Variants in PTH2R observed in about 807,000 individuals in gnomAD.
PTH2R encodes the protein PTH2 receptor.
PTH2R carries 59 observed loss-of-function variants against 60.3 expected under a neutral mutation model. The observed-to-expected ratio is 0.98, with a 90% CI of 0.79 to 1.22. PTH2R has a LOEUF of 1.22. Among genes scored for constraint, PTH2R ranks in the 50% most tolerant of loss-of-function variants. The probability of loss-of-function intolerance (pLI) is 0.00; values close to 1 mark genes in which losing one functional copy is unlikely to be tolerated. For synonymous variants in PTH2R, 256 were observed against 243.8 expected (o/e 1.05, Z -0.47); for missense variants, 749 against 682.6 (o/e 1.10, Z -1.08).
At chr2:208,389,507 T>C (rs939155087) in intron 1 of PTH2R, among the ~76,000 whole-genome samples, 1 of 152,172 alleles carries the variant, frequency 6.6e-6, no homozygotes, top group Non-Finnish European at 1.5e-5. Context: ...ATTAAATGAA[T>C]CTTTTAATTT....
intron 1 of PTH2R, among the ~76,000 whole-genome samples, chr2:208,366,382 A>G (rs1700593811): frequency 6.6e-6 from 1 of 152,086 alleles, no homozygotes; most frequent in Non-Finnish European, 1.5e-5. Flanking sequence ...AGTACCTCCT[A>G]TCTGGAGATG....
chr2:208,437,995 A>C (rs1186886448), intron 4 of PTH2R, 114 bp downstream of exon 4: 1 of 1,326,804 alleles, frequency 7.5e-7, no homozygotes, highest in Non-Finnish European at 1.0e-6. Context: ...CGACACAAGG[A>C]TCATAAAAGA....
At chr2:208,443,314 T>C in intron 5 of PTH2R, 34 bp from the exon 6 acceptor site, 1 of 1,478,358 alleles carries the variant, frequency 6.8e-7, no homozygotes, top group Non-Finnish European at 9.0e-7. Context: ...TTTAATTTTA[T>C]CCAAATTTAA....
At chr2:208,390,347 C>T (rs1478502646) in intron 1 of PTH2R, among the ~76,000 whole-genome samples, 3 of 152,162 alleles carry the variant, frequency 2.0e-5, no homozygotes, top group African/African-American at 7.2e-5. Flanking sequence ...AAAGTGCTCC[C>T]ATACCATGTC....
At chr2:208,482,754 G>A (rs1441912518) in intron 10 of PTH2R, among the ~76,000 whole-genome samples, 1 of 152,154 alleles carries the variant, frequency 6.6e-6, no homozygotes, top group Non-Finnish European at 1.5e-5. Context: ...TTGAAGAGCT[G>A]TCCAAGATGA....
chr2:208,405,367 T>G (rs1445128656), upstream of PTH2R, among the ~76,000 whole-genome samples: 1 of 152,138 alleles, frequency 6.6e-6, no homozygotes, highest in Non-Finnish European at 1.5e-5. Context: ...ACTGCTAGAT[T>G]TAGATACATA....
intron 9 of PTH2R, among the ~76,000 whole-genome samples, chr2:208,467,686 C>G (rs1702783794): frequency 6.6e-6 from 1 of 152,112 alleles, no homozygotes. Flanking sequence ...TTTGCAACTT[C>G]AAGATAGGTG....
intron 2 of PTH2R, among the ~76,000 whole-genome samples, chr2:208,436,648 A>G (rs1702080571): frequency 6.6e-6 from 1 of 152,126 alleles, no homozygotes; most frequent in South Asian, 2.1e-4. Context: ...CAGCAGAGGG[A>G]CCCCATAAAA....
chr2:208,447,651 G>A (rs189323446), intron 7 of PTH2R, among the ~76,000 whole-genome samples: 61 of 148,500 alleles, frequency 4.1e-4, no homozygotes, highest in African/African-American at 1.5e-3. Flanking sequence ...ATAATAGGAA[G>A]GAAAGGAAAT....
chr2:208,420,745 T>A (rs547982241), intron 1 of PTH2R, among the ~76,000 whole-genome samples: 1 of 152,228 alleles, frequency 6.6e-6, no homozygotes, highest in African/African-American at 2.4e-5. Context: ...AATATTACAA[T>A]CAGGAAATTG....
At chr2:208,387,944 G>T (rs1701031911) in intron 1 of PTH2R, among the ~76,000 whole-genome samples, 2 of 152,106 alleles carry the variant, frequency 1.3e-5, no homozygotes, top group African/African-American at 4.8e-5. Flanking sequence ...TGTAAACATT[G>T]GACCATTCTT....
At chr2:208,364,919 C>A (rs1027841759) in intron 1 of PTH2R, among the ~76,000 whole-genome samples, 1 of 151,924 alleles carries the variant, frequency 6.6e-6, no homozygotes, top group Non-Finnish European at 1.5e-5. Context: ...TTTTTGATGC[C>A]ATTGCAACGG....
At chr2:208,463,983 G>T (rs1702684734) in intron 9 of PTH2R, among the ~76,000 whole-genome samples, 1 of 152,134 alleles carries the variant, frequency 6.6e-6, no homozygotes, top group Admixed American at 6.5e-5. Flanking sequence ...TTTTTAAAAG[G>T]CTATAACGTT....
chr2:208,455,913 A>G (rs1034013973), intron 8 of PTH2R, among the ~76,000 whole-genome samples: 2 of 152,154 alleles, frequency 1.3e-5, no homozygotes, highest in African/African-American at 4.8e-5. Context: ...TTGATATACA[A>G]AAGAAGTCTC....
At chr2:208,365,411 CA>C (rs1700559382) in intron 1 of PTH2R, among the ~76,000 whole-genome samples, 1 of 151,590 alleles carries the variant, frequency 6.6e-6, no homozygotes, top group Non-Finnish European at 1.5e-5. Flanking sequence ...TGAATTTTGC[CA>C]AATGCTTTTC....
At chr2:208,403,379 T>C (rs868398656), upstream of PTH2R, among the ~76,000 whole-genome samples, 1 of 152,192 alleles carries the variant, frequency 6.6e-6, no homozygotes. Context: ...TCTCCTAAAT[T>C]CTTGACAGAA....
chr2:208,388,836 A>G (rs748096132), intron 1 of PTH2R, among the ~76,000 whole-genome samples: 12 of 152,182 alleles, frequency 7.9e-5, no homozygotes, highest in Non-Finnish European at 1.6e-4. Context: ...TTATAATTCT[A>G]TCCCTAGGAA....
chr2:208,408,768 T>G (rs13006036), intron 1 of PTH2R, among the ~76,000 whole-genome samples: 3,622 of 114,048 alleles, frequency 0.032, 146 homozygotes, highest in African/African-American at 0.15. Context: ...GAGAGAGAAA[T>G]AAATAATAAA....
chr2:208,419,276 G>A (rs916655715), intron 1 of PTH2R, among the ~76,000 whole-genome samples: 1 of 152,220 alleles, frequency 6.6e-6, no homozygotes, highest in Admixed American at 6.5e-5. Flanking sequence ...GGCCAGTGAT[G>A]CTGAGCATTT....
Sources: gnomAD v4.1 joint callset for allele counts (sites outside exome capture counted in the v4.1 genomes callset) on GRCh38, gnomAD v4.1.1 for gene constraint, MANE v1.5 for transcripts, NCBI Gene and HGNC (gene_info 2026-07-23, HGNC 2026-07-21) for gene names.